Variants in GRIK3 observed in about 807,000 individuals in gnomAD.
The protein encoded by GRIK3 is glutamate receptor ionotropic, kainate 3.
A neutral mutation model predicts 102.5 loss-of-function variants in GRIK3; 29 were observed. The ratio of observed to expected loss-of-function variants is 0.28; its 90% CI spans 0.21 to 0.39. The LOEUF is 0.39. Ranked by LOEUF, GRIK3 falls within the 10% of genes least tolerant of loss-of-function variation. The pLI is 1.00. For synonymous variants in GRIK3, 511 were observed against 504.9 expected, an observed-to-expected ratio of 1.01 and a Z score of -0.16; for missense variants, 908 against 1,252.4, an observed-to-expected ratio of 0.73 and a Z score of 4.15.
At chr1:36,914,865 G>A (rs1641382055) in intron 1 of GRIK3, among the ~76,000 whole-genome samples, 1 of 152,218 alleles carries the variant, frequency 6.6e-6, no homozygotes, top group Non-Finnish European at 1.5e-5. Context: ...GGGCAGGTGT[G>A]AGCACACATC....
Position 36,825,559 on chromosome 1 carries a change from A to G in GRIK3, c.1754+44T>C. On this transcript the variant is annotated intron_variant, in intron 11 of 15. Transcript: ENST00000373091. ...AGATGAGGACCTGCCTAACCCCTAGACCTTCAACCTTGGGCCCGATGTCTG... is the reference window on the plus strand; with the variant it reads ...AGATGAGGACCTGCCTAACCCCTAGGCCTTCAACCTTGGGCCCGATGTCTG... The G allele has an allele frequency of 3.7e-6, 5 of 1,369,714 alleles. No individual in the cohort carries two copies. In the South Asian group the frequency reaches 7.0e-5, roughly 19 times the overall value. 84.8% of individuals were successfully genotyped at this position (1,369,714 alleles called of 1,614,324 possible).
chr1:36,876,706 C>T (rs1557710734), intron 3 of GRIK3, among the ~76,000 whole-genome samples: 1 of 152,214 alleles, frequency 6.6e-6, no homozygotes, highest in Non-Finnish European at 1.5e-5. Flanking sequence ...ATGACCCATA[C>T]ATTGTCCTGC....
At position 36,880,576 on chromosome 1, in the gene GRIK3, C is replaced by T; in HGVS notation, c.550+58G>A. ...CTGAACAAACAGACAAGAGCTTGATCCTGGGCCTCTGCCCCCCTCAACCGT... is the reference window on the plus strand; with the variant it reads ...CTGAACAAACAGACAAGAGCTTGATTCTGGGCCTCTGCCCCCCTCAACCGT... On this transcript the variant is annotated intron_variant, in intron 3 of 15. Coordinates refer to ENST00000373091, the MANE Select transcript of GRIK3 (RefSeq NM_000831.4). This position sits in a 1 kb window ranked among gnomAD's most constrained non-coding sequence, Gnocchi z 5.4. 1 of 1,545,778 alleles carries T rather than the reference C, an allele frequency of 6.5e-7. No individual in the cohort carries two copies. Among genetic ancestry groups the T allele is most frequent in the Non-Finnish European group, 8.9e-7 (1 of 1,122,566 alleles).
At chr1:36,861,965 G>A (rs192815193) in intron 5 of GRIK3, among the ~76,000 whole-genome samples, 3 of 152,200 alleles carry the variant, frequency 2.0e-5, no homozygotes, top group African/African-American at 7.2e-5. Flanking sequence ...GCTCAGCCCT[G>A]CACAAGGACT....
intron 5 of GRIK3, among the ~76,000 whole-genome samples, chr1:36,866,919 C>G (rs868478377): frequency 6.6e-6 from 1 of 152,204 alleles, no homozygotes; most frequent in Non-Finnish European, 1.5e-5. Flanking sequence ...CATGTGCCAG[C>G]TTCTATGTGG....
intron 1 of GRIK3, among the ~76,000 whole-genome samples, chr1:37,014,020 C>T (rs140414399): frequency 0.01 from 1,595 of 152,328 alleles, 13 homozygotes; most frequent in Admixed American, 0.018. Context: ...AGGCCTCATA[C>T]GCTCTGTTCC....
chr1:36,900,872 A>T (rs1216752791), intron 1 of GRIK3, among the ~76,000 whole-genome samples: 1 of 152,164 alleles, frequency 6.6e-6, no homozygotes, highest in Non-Finnish European at 1.5e-5. Flanking sequence ...AAGAGGGGAC[A>T]TCTCTACAGA....
At position 36,850,116 on chromosome 1, in the gene GRIK3, G is replaced by A. The variant is rs988741177; in HGVS notation, c.1326+195C>T. On this transcript the variant is annotated intron_variant, in intron 9 of 15. Coordinates refer to ENST00000373091, the MANE Select transcript of GRIK3 (RefSeq NM_000831.4). This position sits in a 1 kb window ranked among gnomAD's most constrained non-coding sequence, Gnocchi z 4.0. The stretch of plus-strand genomic sequence containing the variant: ...TGGGAGTGAGACACAAAAACGCAGC[G>A]GCTTCCGCCCGTGGCAGCGAGCAGC... 17 of 570,704 alleles carry A rather than the reference G, an allele frequency of 3.0e-5. No homozygotes were observed. Among genetic ancestry groups the A allele is most frequent in the East Asian group, 8.8e-5 (3 of 34,266 alleles). The allele number at this position is 570,704 out of a possible 1,614,324, so 35.4% of individuals were successfully genotyped here.
intron 1 of GRIK3, among the ~76,000 whole-genome samples, chr1:36,912,077 G>A (rs1641351461): frequency 6.6e-6 from 1 of 152,088 alleles, no homozygotes; most frequent in South Asian, 2.1e-4. Context: ...ACCCCATGCT[G>A]TTTCTCACCA....
At chr1:37,024,071 AG>A (rs1642742058) in intron 1 of GRIK3, among the ~76,000 whole-genome samples, 1 of 149,180 alleles carries the variant, frequency 6.7e-6, no homozygotes, top group Non-Finnish European at 1.5e-5. Flanking sequence ...ACAACAGCTT[AG>A]GATAAATCAA....
At chr1:36,929,416 A>G (rs1641563987) in intron 1 of GRIK3, among the ~76,000 whole-genome samples, 1 of 152,200 alleles carries the variant, frequency 6.6e-6, no homozygotes. Flanking sequence ...TGGGGTTAAC[A>G]AGCACATAAG....
rs1423556012 is a variant in GRIK3, at chr1:36,806,582, G to A, written c.2092-256C>T. Reference sequence around the variant, plus strand: ...GGAAACCCTGGCCATGGCACAAGTGGTCTTCAAGCTGACTTTTTAAACATG... The same window carrying A: ...GGAAACCCTGGCCATGGCACAAGTGATCTTCAAGCTGACTTTTTAAACATG... On this transcript the variant is annotated intron_variant, in intron 13 of 15. Transcript: ENST00000373091. The surrounding 1 kb of genome is among the most constrained non-coding windows in gnomAD (Gnocchi z 4.0). 1.3e-5 allele frequency among the ~76,000 whole-genome samples: 2 copies of A among 152,172 alleles called. No individual in the cohort carries two copies. The highest frequency in any genetic ancestry group is 4.8e-5 in the African/African-American group (2 of 41,444).
rs868197224 is a variant in GRIK3 at position 36,919,277 on chromosome 1, G to T, written c.116-28181C>A. ...ACTCAGTGTTCAAGGGGAAGAAAAT[G>T]GCCTGGAAGAATCCCAGAAGGCCTC... is the stretch of plus-strand genomic sequence containing the variant. On this transcript the variant is annotated intron_variant, in intron 1 of 15. Transcript: ENST00000373091. Among the ~76,000 whole-genome samples the T allele has an allele frequency of 7.2e-5, 11 of 152,258 alleles. No individual in the cohort carries two copies. In the Middle Eastern group the frequency reaches 0.01, roughly 141 times the overall value.
At chr1:36,829,278 G>A (rs982737343) in intron 10 of GRIK3, among the ~76,000 whole-genome samples, 1 of 152,210 alleles carries the variant, frequency 6.6e-6, no homozygotes, top group African/African-American at 2.4e-5. Flanking sequence ...ATCTTGGCAG[G>A]CTCTTCCCAC....
Position 36,802,044 on chromosome 1 carries a change from C to G in GRIK3, c.2567G>C (p.Arg856Pro), listed in dbSNP as rs375007273. The G allele has an allele frequency of 1.2e-6, 2 of 1,607,020 alleles. No individual in the cohort carries two copies. The highest frequency in any genetic ancestry group is 2.7e-5 in the African/African-American group (2 of 74,822). The change falls in exon 16 of 16, where the codon CGT becomes CCT. Residue 856 changes from arginine (R) to proline (P), a missense_variant and splice_region_variant. Physicochemically the swap from Arg to Pro is moderately radical, Grantham distance 103 (BLOSUM62 -2). This residue lies in a region of GRIK3 where 297 missense variants were observed against 362.7 expected (regional missense o/e 0.82). Transcript: ENST00000373091. Reference sequence around the variant, plus strand: ...ATCGGCCACGGTGCTGCAGAAGGAACGCTGCAGGAGGGTGGAGGAGAGGGG... The same window carrying G: ...ATCGGCCACGGTGCTGCAGAAGGAAGGCTGCAGGAGGGTGGAGGAGAGGGG... ...KLRKTAEREQRSFCSTVADEI... is the reference protein window; with the variant it reads ...KLRKTAEREQPSFCSTVADEI...
At chr1:36,885,139 T>G (rs1232499344) in intron 2 of GRIK3, among the ~76,000 whole-genome samples, 1 of 152,216 alleles carries the variant, frequency 6.6e-6, no homozygotes, top group Non-Finnish European at 1.5e-5. Flanking sequence ...GTTGATGTTG[T>G]GATAGTAATG....
intron 13 of GRIK3, among the ~76,000 whole-genome samples, chr1:36,815,170 C>T (rs1481266074): frequency 6.6e-6 from 1 of 152,238 alleles, no homozygotes; most frequent in East Asian, 1.9e-4. Context: ...CTTCCCCTCA[C>T]TCTAAATACA....
rs144092783 is a variant in GRIK3 at position 37,007,038 on chromosome 1, G to A, written c.115+26956C>T. ...TCTGCTGTGCAAGGCTCTTAGATGG[G>A]AATGGAGGCAGGGAGTCAGAGGACA... On this transcript the variant is annotated intron_variant, in intron 1 of 15. Coordinates refer to ENST00000373091, the MANE Select transcript of GRIK3 (RefSeq NM_000831.4). Among the ~76,000 whole-genome samples, 384 of 152,310 alleles carry A rather than the reference G, an allele frequency of 2.5e-3. 1 individual carries two copies. Among genetic ancestry groups the A allele is most frequent in the African/African-American group, 8.7e-3 (363 of 41,572 alleles).
intron 6 of GRIK3, among the ~76,000 whole-genome samples, 161 bp from the exon 7 acceptor site, chr1:36,859,412 G>A (rs80073459): frequency 0.021 from 3,182 of 152,206 alleles, 129 homozygotes; most frequent in African/African-American, 0.072. Context: ...CCTCTGAGGA[G>A]TGGCCAGGCT....
Sources: gnomAD v4.1 joint callset for allele counts (sites outside exome capture counted in the v4.1 genomes callset) on GRCh38, gnomAD v4.1.1 for gene constraint, gnomAD v4.1.1 regional missense constraint, Gnocchi (gnomAD v3.1) non-coding constraint, MANE v1.5 for transcripts, NCBI Gene and HGNC (gene_info 2026-07-23, HGNC 2026-07-21) for gene names.